The following ALDH8A1 variants were observed in gnomAD, a reference collection of about 807,000 sequenced individuals.
ALDH8A1 encodes the protein 2-aminomuconic semialdehyde dehydrogenase.
ALDH8A1 carries 39 observed loss-of-function variants against 43.3 expected under a neutral mutation model. That is an observed-to-expected ratio of 0.90 (90% CI 0.70 to 1.18). The LOEUF (loss-of-function observed/expected upper bound fraction) is 1.18, where lower values mean the gene tolerates loss of function less well. Ranked by LOEUF, ALDH8A1 falls within the 50% of genes most tolerant of loss-of-function variation. The pLI is 0.00. For synonymous variants in ALDH8A1, 233 were observed against 243.5 expected, an observed-to-expected ratio of 0.96 and a Z score of 0.40; for missense variants, 605 against 622.6, an observed-to-expected ratio of 0.97 and a Z score of 0.30.
Position 134,932,772 on chromosome 6 carries a change from A to G in ALDH8A1, c.849+4T>C. The G allele has an allele frequency of 1.2e-6, 2 of 1,613,878 alleles. No individual in the cohort carries two copies. The highest frequency in any genetic ancestry group is 2.2e-5 in the East Asian group (1 of 44,890). ...GGGAGGGAGAAGAACCCCCGGGGAC[A>G]TACCTGGTTGGCAAAGCTGGACCTG... On this transcript the variant is annotated splice_donor_region_variant and intron_variant, in intron 5 of 6. Coordinates refer to ENST00000265605, the MANE Select transcript of ALDH8A1 (RefSeq NM_022568.4).
intron 3 of ALDH8A1, 34 bp from the exon 4 acceptor site, chr6:134,939,449 G>A (rs755537501): frequency 9.3e-6 from 15 of 1,605,800 alleles, no homozygotes; most frequent in Non-Finnish European, 1.2e-5. Context: ...TGCCTGTGAC[G>A]GCATACCCCT....
chr6:134,944,345 A>G, intron 1 of ALDH8A1: 1 of 174,500 alleles, frequency 5.7e-6, no homozygotes, highest in Non-Finnish European at 1.2e-5. Flanking sequence ...CTGGGATTAC[A>G]GGTGTGAGCC....
intron 3 of ALDH8A1, 63 bp downstream of exon 3, chr6:134,942,346 A>G (rs527668876): frequency 1.1e-5 from 16 of 1,477,986 alleles, no homozygotes; most frequent in African/African-American, 1.4e-5. Flanking sequence ...GGACAATGCC[A>G]TAGAATGTTG....
chr6:134,925,707 G>C (rs1776870919), intron 6 of ALDH8A1, among the ~76,000 whole-genome samples: 1 of 152,136 alleles, frequency 6.6e-6, no homozygotes, highest in African/African-American at 2.4e-5. Context: ...AGTCAGTAAA[G>C]GGATAAGATA....
intron 4 of ALDH8A1, among the ~76,000 whole-genome samples, chr6:134,938,252 C>A (rs751823533): frequency 6.6e-6 from 1 of 152,176 alleles, no homozygotes; most frequent in Non-Finnish European, 1.5e-5. Context: ...GCAAAAAGAC[C>A]TCACATTAAG....
rs1227676425 is a variant in ALDH8A1 at position 134,918,774 on chromosome 6, C to T, written c.1105G>A (p.Ala369Thr). 4 of 1,614,086 alleles carry T rather than the reference C, an allele frequency of 2.5e-6. No homozygotes were observed. The highest frequency in any genetic ancestry group is 2.7e-5 in the African/African-American group (2 of 74,922). The change falls in exon 7 of 7, where the codon GCA becomes ACA. Residue 369 changes from alanine (A) to threonine (T), a missense_variant. Transcript: ENST00000265605. ...DKLSLPARNQ[A>T]GYFMLPTVIT... is the part of the protein sequence containing the mutation. The stretch of plus-strand genomic sequence containing the variant: ...ACCGTGGGAAGCATAAAGTAGCCTG[C>T]CTGGTTCCTGGCAGGGAGGCTCAAC...
At chr6:134,934,342 C>A (rs971224803) in intron 4 of ALDH8A1, among the ~76,000 whole-genome samples, 3 of 152,160 alleles carry the variant, frequency 2.0e-5, no homozygotes, top group Non-Finnish European at 4.4e-5. Context: ...CTCTAAAAAA[C>A]AAGAAATGGA....
chr6:134,942,566 T>G lies in ALDH8A1; in HGVS notation c.287-2A>C, dbSNP rs768733652. 2 of 1,612,538 alleles carry G rather than the reference T, an allele frequency of 1.2e-6. No individual in the cohort carries two copies. Among genetic ancestry groups the G allele is most frequent in the Non-Finnish European group, 1.7e-6 (2 of 1,178,984 alleles). ...TTCTTGCCAGTGCTAAGGTTTTCCC[T>G]GTAAGAAGCAAACAACATAAAGCAC... is the stretch of plus-strand genomic sequence containing the variant. On this transcript the variant is annotated splice_acceptor_variant, in intron 2 of 6. Coordinates refer to ENST00000265605, the MANE Select transcript of ALDH8A1 (RefSeq NM_022568.4). LOFTEE classifies it high-confidence loss of function.
intron 1 of ALDH8A1, among the ~76,000 whole-genome samples, chr6:134,944,900 T>C (rs983607597): frequency 2.1e-5 from 3 of 146,134 alleles, no homozygotes; most frequent in Non-Finnish European, 4.4e-5. Context: ...AAAAAATGTA[T>C]ATGTTATACA....
intron 4 of ALDH8A1, among the ~76,000 whole-genome samples, chr6:134,936,550 G>A (rs889507256): frequency 1.3e-5 from 2 of 152,200 alleles, no homozygotes; most frequent in African/African-American, 4.8e-5. Context: ...TGGACTGTTA[G>A]GCTTTATCAA....
At chr6:134,935,328 C>T (rs1418855666) in intron 4 of ALDH8A1, among the ~76,000 whole-genome samples, 1 of 152,180 alleles carries the variant, frequency 6.6e-6, no homozygotes, top group Non-Finnish European at 1.5e-5. Context: ...AGTTTTATTA[C>T]ACTTAGTTCA....
chr6:134,925,603 A>G (rs1237363594), intron 6 of ALDH8A1, among the ~76,000 whole-genome samples: 1 of 152,238 alleles, frequency 6.6e-6, no homozygotes, highest in African/African-American at 2.4e-5. Context: ...AACAAATACT[A>G]TGCACCTACT....
At chr6:134,948,049 C>A (rs9389246) in intron 1 of ALDH8A1, among the ~76,000 whole-genome samples, 15,775 of 152,102 alleles carry the variant, frequency 0.1, 1,101 homozygotes, top group East Asian at 0.25. Flanking sequence ...TATATATACA[C>A]AATGGAATAT....
chr6:134,945,810 T>A (rs1215041002), intron 1 of ALDH8A1, among the ~76,000 whole-genome samples: 1 of 152,124 alleles, frequency 6.6e-6, no homozygotes, highest in South Asian at 2.1e-4. Context: ...ATTTCCCTCA[T>A]GCAAAGTGAC....
At chr6:134,927,899 A>G (rs1333073998) in intron 6 of ALDH8A1, among the ~76,000 whole-genome samples, 1 of 152,166 alleles carries the variant, frequency 6.6e-6, no homozygotes, top group African/African-American at 2.4e-5. Flanking sequence ...AGAAGGAGAG[A>G]GAACAAGGGA....
intron 2 of ALDH8A1, 49 bp from the exon 3 acceptor site, chr6:134,942,613 T>G: frequency 1.3e-6 from 2 of 1,564,560 alleles, no homozygotes; most frequent in Non-Finnish European, 1.7e-6. Flanking sequence ...GGGGACACTC[T>G]ATCCATCAGC....
At chr6:134,948,519 T>A (rs1302817857) in intron 1 of ALDH8A1, among the ~76,000 whole-genome samples, 3 of 152,190 alleles carry the variant, frequency 2.0e-5, no homozygotes, top group Non-Finnish European at 4.4e-5. Flanking sequence ...ATGTATCAAT[T>A]TTTTAATTTT....
rs545449758 is a variant in ALDH8A1, at chr6:134,948,111, G to A, written c.138+1805C>T. Among the ~76,000 whole-genome samples the A allele has an allele frequency of 4.6e-5, 7 of 152,284 alleles. No individual in the cohort carries two copies. In the South Asian group the frequency reaches 1.4e-3, roughly 32 times the overall value. On this transcript the variant is annotated intron_variant, in intron 1 of 6. Coordinates refer to ENST00000265605, the MANE Select transcript of ALDH8A1 (RefSeq NM_022568.4). ...CCTGTCATTTGCACCAACACGATTTGAGCTGGAGGATATTACGTTAAGTGA... is the reference window on the plus strand; with the variant it reads ...CCTGTCATTTGCACCAACACGATTTAAGCTGGAGGATATTACGTTAAGTGA...
intron 2 of ALDH8A1, among the ~76,000 whole-genome samples, chr6:134,942,931 G>A (rs1773883363): frequency 1.3e-5 from 2 of 152,214 alleles, no homozygotes; most frequent in South Asian, 4.1e-4. Flanking sequence ...TGTTAGGACA[G>A]TTGTAATTGC....
Sources: gnomAD v4.1 joint callset for allele counts (sites outside exome capture counted in the v4.1 genomes callset) on GRCh38, gnomAD v4.1.1 for gene constraint, MANE v1.5 for transcripts, NCBI Gene and HGNC (gene_info 2026-07-23, HGNC 2026-07-21) for gene names.